The following JCAD variants were observed in gnomAD, a reference collection of about 807,000 sequenced individuals.
JCAD encodes junctional cadherin 5 associated, also known as junctional cadherin 5-associated protein.
In JCAD, 40 loss-of-function variants were observed where a neutral mutation model predicts 98.0. That is an observed-to-expected ratio of 0.41 (90% CI 0.32 to 0.53). JCAD has a LOEUF of 0.53. Ranked by LOEUF, JCAD falls within the 20% of genes least tolerant of loss-of-function variation. The pLI is 0.31. For missense variants in JCAD, 1,705 were observed against 1,738.1 expected (o/e 0.98, Z 0.34); for synonymous variants, 691 against 682.3 (o/e 1.01, Z -0.20).
chr10:30,077,449 A>G (rs1198074639), intron 1 of JCAD, among the ~76,000 whole-genome samples: 2 of 152,068 alleles, frequency 1.3e-5, no homozygotes, highest in Non-Finnish European at 2.9e-5. Context: ...ACCTTTCTGT[A>G]CTTTTGTTTA....
chr10:30,029,703 C>A lies in JCAD; in HGVS notation c.445G>T (p.Val149Leu). ...CCAACTTCCCATGGACCCTCCCTCACGTGGACAGGCAGGCTGTGGGCTTGG... is the reference window on the plus strand; with the variant it reads ...CCAACTTCCCATGGACCCTCCCTCAAGTGGACAGGCAGGCTGTGGGCTTGG... ...MAQAHSLPVH[V>L]REGPWEVGGR... Residue 149 changes from valine (V) to leucine (L), a missense_variant, in exon 3 of 4, where the codon GTG becomes TTG. Coordinates refer to ENST00000375377, the MANE Select transcript of JCAD (RefSeq NM_020848.4). 1.9e-6 allele frequency: 3 copies of A among 1,614,260 alleles called. No homozygotes were observed. The highest frequency in any genetic ancestry group is 1.1e-5 in the South Asian group (1 of 91,090).
rs1382480883 is a variant in JCAD at position 30,092,123 on chromosome 10, TATAA to T, written n.129-22306_129-22303del. Among the ~76,000 whole-genome samples, 70 of 111,198 alleles carry T rather than the reference TATAA, an allele frequency of 6.3e-4. 8 individuals are homozygous for T. Among genetic ancestry groups the T allele is most frequent in the Middle Eastern group, 4.2e-3 (1 of 238 alleles). 73.0% of individuals were successfully genotyped at this position (111,198 alleles called of 152,430 possible). On this transcript the variant is annotated intron_variant and non_coding_transcript_variant, in intron 1 of 2. Coordinates refer to the JCAD transcript ENST00000465712. ...TTATATATATATATATATATATATA[TATAA>T]AAAACATTTTAACTCTTTGCAAGAA...
chr10:30,029,111 T>C lies in JCAD; in HGVS notation c.1037A>G (p.Tyr346Cys). 1 of 1,614,100 alleles carries C rather than the reference T, an allele frequency of 6.2e-7. No homozygotes were observed. The highest frequency in any genetic ancestry group is 8.5e-7 in the Non-Finnish European group (1 of 1,180,002). ...EPPVYVPPPS[Y>C]RSPPQNIPNP... ...TGGGATGTTCTGCGGGGGCGATCTGTATGAGGGCGGAGGCACGTACACTGG... is the reference window on the plus strand; with the variant it reads ...TGGGATGTTCTGCGGGGGCGATCTGCATGAGGGCGGAGGCACGTACACTGG... The change falls in exon 3 of 4, where the codon TAC (tyrosine) becomes TGC (cysteine). Residue 346 changes from tyrosine (Y) to cysteine (C), a missense_variant. Tyr to Cys is a radical substitution (Grantham distance 194, BLOSUM62 -2). Transcript: ENST00000375377.
At chr10:30,044,927 C>A in intron 2 of JCAD, 2 of 275,880 alleles carry the variant, frequency 7.2e-6, no homozygotes, top group Non-Finnish European at 1.1e-5. Flanking sequence ...TATGCATTTG[C>A]TATTTCTACC....
rs755994897 is a variant in JCAD at position 30,029,216 on chromosome 10, C to G, written c.932G>C (p.Ser311Thr). 29 of 1,614,054 alleles carry G rather than the reference C, an allele frequency of 1.8e-5. No individual in the cohort carries two copies. The highest frequency in any genetic ancestry group is 8.3e-5 in the Admixed American group (5 of 60,002). ...CATCTGCTGGCTGTCCTGAGAGTCACTGCTGTCCGCTCCTCCCCTAGACTG... is the reference window on the plus strand; with the variant it reads ...CATCTGCTGGCTGTCCTGAGAGTCAGTGCTGTCCGCTCCTCCCCTAGACTG... Reference protein sequence around the residue: ...HQQSRGGADSSDSQDSQQMDA... With the variant: ...HQQSRGGADSTDSQDSQQMDA... The change falls in exon 3 of 4, where the codon AGT (serine) becomes ACT (threonine). Residue 311 changes from serine (S) to threonine (T), a missense_variant. By Grantham distance (58) the Ser-to-Thr change is moderately conservative. This residue lies in a region of JCAD where 275 missense variants were observed against 346.9 expected (regional missense o/e 0.79). Transcript: ENST00000375377.
intron 1 of JCAD, among the ~76,000 whole-genome samples, chr10:30,091,901 G>T (rs1296630494): frequency 6.9e-6 from 1 of 145,020 alleles, no homozygotes; most frequent in Non-Finnish European, 1.5e-5. Flanking sequence ...GGTGGCACGC[G>T]CCTGTAATCC....
At chr10:30,098,317 C>A (rs988870786) in intron 1 of JCAD, among the ~76,000 whole-genome samples, 1 of 152,074 alleles carries the variant, frequency 6.6e-6, no homozygotes, top group Admixed American at 6.6e-5. Context: ...TCCATGCTAC[C>A]CCTGTTTCTC....
Position 30,075,334 on chromosome 10 carries a change from A to G in JCAD, n.129-5513T>C, listed in dbSNP as rs2132675760. Reference sequence around the variant, plus strand: ...AAGCTGATCCCATATAAGCTTACATATTGCTTCCAACATGCGTTTAGTTGG... The same window carrying G: ...AAGCTGATCCCATATAAGCTTACATGTTGCTTCCAACATGCGTTTAGTTGG... On this transcript the variant is annotated intron_variant and non_coding_transcript_variant, in intron 1 of 2. Transcript: ENST00000465712. Among the ~76,000 whole-genome samples, 2 of 152,268 alleles carry G rather than the reference A, an allele frequency of 1.3e-5. 1 individual carries two copies. The highest frequency in any genetic ancestry group is 6.8e-3 in the Middle Eastern group (2 of 294).
At chr10:30,100,613 A>C (rs1364614105) in intron 1 of JCAD, among the ~76,000 whole-genome samples, 1 of 152,096 alleles carries the variant, frequency 6.6e-6, no homozygotes, top group Non-Finnish European at 1.5e-5. Flanking sequence ...CGAACTCCGA[A>C]CCTCAGGTGA....
chr10:30,028,552 G>A lies in JCAD; in HGVS notation c.1596C>T (p.Ser532=). ...CTTGTCTTCCAGTGTGCCCGTGCTG[G>A]CTGCCTCTCACATCAGGCCACTGTC... The part of the protein sequence containing the change: ...ARGQWPDVRG[S]QHGHTGRQVS... Residue 532 remains serine (S), a synonymous_variant, in exon 3 of 4, where the codon AGC becomes AGT. Transcript: ENST00000375377. The A allele has an allele frequency of 6.2e-7, 1 of 1,614,208 alleles. No individual in the cohort carries two copies. The highest frequency in any genetic ancestry group is 8.5e-7 in the Non-Finnish European group (1 of 1,180,050).
chr10:30,092,399 G>A (rs1206818046), intron 1 of JCAD, among the ~76,000 whole-genome samples: 1 of 151,866 alleles, frequency 6.6e-6, no homozygotes, highest in Non-Finnish European at 1.5e-5. Context: ...ACAAAGCAAA[G>A]TAGCTGGGAA....
intron 3 of JCAD, among the ~76,000 whole-genome samples, chr10:30,018,964 AT>A (rs1764826222): frequency 6.6e-6 from 1 of 152,218 alleles, no homozygotes; most frequent in African/African-American, 2.4e-5. Flanking sequence ...GCACTGCAGC[AT>A]TATTTACAAT....
chr10:30,067,991 G>C (rs945220782), intron 2 of JCAD, among the ~76,000 whole-genome samples: 30 of 152,170 alleles, frequency 2.0e-4, no homozygotes, highest in Admixed American at 6.5e-5. Context: ...AAAAAGTACA[G>C]TAAAAATACA....
intron 2 of JCAD, among the ~76,000 whole-genome samples, chr10:30,039,951 G>A (rs775786456): frequency 1.1e-4 from 16 of 152,226 alleles, no homozygotes; most frequent in Admixed American, 2.0e-4. Flanking sequence ...GTTTAGCACA[G>A]TGCCTGACAC....
intron 3 of JCAD, among the ~76,000 whole-genome samples, chr10:30,019,690 G>A (rs1836616579): frequency 1.3e-5 from 2 of 152,146 alleles, no homozygotes; most frequent in African/African-American, 4.8e-5. Context: ...TGGAGACTGA[G>A]TGCATAGGAT....
At chr10:30,058,445 A>G (rs539845860) in intron 1 of JCAD, among the ~76,000 whole-genome samples, 1 of 152,308 alleles carries the variant, frequency 6.6e-6, no homozygotes, top group Admixed American at 6.5e-5. Flanking sequence ...CTACTCCTTA[A>G]GCGCGTGGAT....
At chr10:30,075,250 A>C (rs1837963000) in intron 1 of JCAD, among the ~76,000 whole-genome samples, 1 of 152,230 alleles carries the variant, frequency 6.6e-6, no homozygotes, top group Non-Finnish European at 1.5e-5. Context: ...GAAGGGAATA[A>C]ATGAGCTTTA....
intron 1 of JCAD, among the ~76,000 whole-genome samples, chr10:30,113,835 C>T (rs60973335): frequency 0.069 from 10,447 of 152,224 alleles, 506 homozygotes; most frequent in African/African-American, 0.13. Flanking sequence ...CACCCTTTGG[C>T]ACCCTGCCCA....
At chr10:30,056,297 CAA>C (rs1670496563) in intron 1 of JCAD, among the ~76,000 whole-genome samples, 1 of 152,124 alleles carries the variant, frequency 6.6e-6, no homozygotes, top group Non-Finnish European at 1.5e-5. Context: ...AAGTCTTTAT[CAA>C]AGTGTTTGAC....
Sources: gnomAD v4.1 joint callset for allele counts (sites outside exome capture counted in the v4.1 genomes callset) on GRCh38, gnomAD v4.1.1 for gene constraint, gnomAD v4.1.1 regional missense constraint, MANE v1.5 for transcripts, NCBI Gene and HGNC (gene_info 2026-07-23, HGNC 2026-07-21) for gene names.